Variants in DSCAM observed in about 807,000 individuals in gnomAD.
DSCAM encodes the protein DS cell adhesion molecule.
A neutral mutation model predicts 217.7 loss-of-function variants in DSCAM; 47 were observed. The observed-to-expected ratio is 0.22, with a 90% CI of 0.17 to 0.28. The LOEUF is 0.28. Ranked by LOEUF, DSCAM falls within the 10% of genes least tolerant of loss-of-function variation. The pLI is 1.00. For missense variants in DSCAM, 2,080 were observed against 2,618.3 expected, an observed-to-expected ratio of 0.79 and a Z score of 4.49; for synonymous variants, 1,056 against 1,015.3, an observed-to-expected ratio of 1.04 and a Z score of -0.76.
chr21:40,438,966 T>A (rs1162302067), intron 3 of DSCAM, among the ~76,000 whole-genome samples: 1 of 152,082 alleles, frequency 6.6e-6, no homozygotes, highest in Non-Finnish European at 1.5e-5. Flanking sequence ...AACCAGTATA[T>A]TTCAATAATT....
At chr21:40,471,513 G>C (rs1269589009) in intron 3 of DSCAM, among the ~76,000 whole-genome samples, 2 of 152,182 alleles carry the variant, frequency 1.3e-5, no homozygotes, top group African/African-American at 2.4e-5. Flanking sequence ...CCGAGGGCTT[G>C]GCCAAGATTT....
chr21:40,424,686 T>A (rs2075455676), intron 3 of DSCAM, among the ~76,000 whole-genome samples: 1 of 152,116 alleles, frequency 6.6e-6, no homozygotes, highest in South Asian at 2.1e-4. Flanking sequence ...CAGAATATAA[T>A]CAAAGGTTCA....
At chr21:40,332,934 G>A (rs959936036) in intron 8 of DSCAM, among the ~76,000 whole-genome samples, 3 of 152,190 alleles carry the variant, frequency 2.0e-5, no homozygotes, top group Admixed American at 6.5e-5. Context: ...CACACTTTCC[G>A]CTATATCCAG....
rs2091139482 is a variant in DSCAM, at chr21:40,743,026, A to T, written c.44-34255T>A. Reference sequence around the variant, plus strand: ...TTCCAAAAGGTACTTTTCACTAAACAAATTTATACTTACACTTACTTTACT... The same window carrying T: ...TTCCAAAAGGTACTTTTCACTAAACTAATTTATACTTACACTTACTTTACT... On this transcript the variant is annotated intron_variant, in intron 1 of 32. Coordinates refer to ENST00000400454, the MANE Select transcript of DSCAM (RefSeq NM_001389.5). Among the ~76,000 whole-genome samples, 3 of 152,194 alleles carry T rather than the reference A, an allele frequency of 2.0e-5. No homozygotes were observed. The South Asian group carries it at 6.2e-4, about 31-fold the overall frequency.
chr21:40,537,607 G>A (rs951150484), intron 3 of DSCAM, among the ~76,000 whole-genome samples: 9 of 152,070 alleles, frequency 5.9e-5, no homozygotes, highest in African/African-American at 2.2e-4. Context: ...AGAGTAGGAC[G>A]GGTCCTTAAT....
intron 11 of DSCAM, among the ~76,000 whole-genome samples, chr21:40,266,649 A>ATATATATTTT (rs1555896578): frequency 8.1e-6 from 1 of 122,784 alleles, no homozygotes; most frequent in East Asian, 3.4e-4. Context: ...ATATATATAT[A>ATATATATTTT]TATATATATA....
At chr21:40,174,623 A>C (rs2090702372) in intron 15 of DSCAM, among the ~76,000 whole-genome samples, 1 of 151,470 alleles carries the variant, frequency 6.6e-6, no homozygotes, top group Non-Finnish European at 1.5e-5. Flanking sequence ...CTGATCCTTC[A>C]ATGAATGGAG....
chr21:40,764,567 A>G (rs1274670823), intron 1 of DSCAM, among the ~76,000 whole-genome samples: 1 of 152,202 alleles, frequency 6.6e-6, no homozygotes, highest in East Asian at 1.9e-4. Context: ...CTAGAACCAG[A>G]AACACCATTT....
chr21:40,191,454 C>G (rs2090951846), intron 11 of DSCAM, among the ~76,000 whole-genome samples: 1 of 152,088 alleles, frequency 6.6e-6, no homozygotes, highest in African/African-American at 2.4e-5. Context: ...GCTGTACTGT[C>G]CCCAGCCTTT....
At position 40,736,398 on chromosome 21, in the gene DSCAM, GC is replaced by G. The variant is rs200929204; in HGVS notation, c.44-27628del. On this transcript the variant is annotated intron_variant, in intron 1 of 32. Transcript: ENST00000400454. Reference sequence around the variant, plus strand: ...AAAGTCAGGGGGTAAGCTCATGGGGGCCGTGGGTATATTAGTTTGCTAGGGC... The same window carrying G: ...AAAGTCAGGGGGTAAGCTCATGGGGGCGTGGGTATATTAGTTTGCTAGGGC... 6.7e-3 allele frequency among the ~76,000 whole-genome samples: 1,025 copies of G among 152,228 alleles called. 14 individuals carry two copies. Among genetic ancestry groups the G allele is most frequent in the African/African-American group, 0.024 (985 of 41,532 alleles).
intron 8 of DSCAM, among the ~76,000 whole-genome samples, chr21:40,324,141 AAGAG>A (rs1225386528): frequency 2.7e-5 from 4 of 149,942 alleles, no homozygotes; most frequent in Non-Finnish European, 4.4e-5. Context: ...AGAAAAAAAA[AAGAG>A]AGAGAGAGAA....
chr21:40,542,124 G>A (rs1307734303), intron 3 of DSCAM, among the ~76,000 whole-genome samples: 1 of 152,142 alleles, frequency 6.6e-6, no homozygotes, highest in African/African-American at 2.4e-5. Flanking sequence ...GAGACTATCT[G>A]CCTACATGTT....
At chr21:40,659,130 C>T (rs1305540208) in intron 3 of DSCAM, among the ~76,000 whole-genome samples, 1 of 152,052 alleles carries the variant, frequency 6.6e-6, no homozygotes, top group Non-Finnish European at 1.5e-5. Flanking sequence ...ACCAATGTGC[C>T]TCCAAGGGTC....
chr21:40,120,616 T>C (rs2090022613), intron 20 of DSCAM, among the ~76,000 whole-genome samples: 1 of 152,350 alleles, frequency 6.6e-6, no homozygotes, highest in South Asian at 2.1e-4. Flanking sequence ...ATTATGTGGA[T>C]GAGGCTCTGA....
At chr21:40,366,153 T>TG (rs1224903564) in intron 4 of DSCAM, among the ~76,000 whole-genome samples, 1 of 152,206 alleles carries the variant, frequency 6.6e-6, no homozygotes, top group East Asian at 1.9e-4. Context: ...CAGGTAGGGT[T>TG]GTGCCATTTT....
At chr21:40,415,129 T>A (rs984791474) in intron 3 of DSCAM, among the ~76,000 whole-genome samples, 4 of 152,226 alleles carry the variant, frequency 2.6e-5, no homozygotes, top group Non-Finnish European at 1.5e-5. Context: ...CTCAATAGAA[T>A]GTATTTCTTG....
intron 2 of DSCAM, among the ~76,000 whole-genome samples, chr21:40,693,478 C>T (rs1350752800): frequency 1.3e-5 from 2 of 151,926 alleles, no homozygotes; most frequent in African/African-American, 4.8e-5. Context: ...GTTAATAGAC[C>T]CCCTGAAGGT....
intron 20 of DSCAM, among the ~76,000 whole-genome samples, chr21:40,112,526 C>A (rs1438946377): frequency 6.6e-6 from 1 of 152,042 alleles, no homozygotes; most frequent in Non-Finnish European, 1.5e-5. Flanking sequence ...CAAGAGCAAA[C>A]ACATTCAAAA....
intron 16 of DSCAM, among the ~76,000 whole-genome samples, chr21:40,156,786 C>A (rs1034695671): frequency 6.6e-6 from 1 of 152,204 alleles, no homozygotes; most frequent in Admixed American, 6.5e-5. Context: ...TTATTGGGAA[C>A]TGGAGCAAAG....
Sources: allele counts gnomAD v4.1 joint callset (sites outside exome capture counted in the v4.1 genomes callset), GRCh38; gene constraint gnomAD v4.1.1; transcripts MANE v1.5; gene names NCBI Gene and HGNC (gene_info 2026-07-23, HGNC 2026-07-21).